Variants in RORB observed in about 807,000 individuals in gnomAD.
The protein encoded by RORB is nuclear receptor ROR-beta.
Under a neutral mutation model 59.1 loss-of-function variants are expected in RORB, and 6 were observed. The observed-to-expected ratio is 0.10, with a 90% CI of 0.06 to 0.20. The LOEUF is 0.20. Among genes scored for constraint, RORB ranks in the 10% least tolerant of loss-of-function variants. The pLI is 1.00. For synonymous variants in RORB, 215 were observed against 204.5 expected, an observed-to-expected ratio of 1.05 and a Z score of -0.44; for missense variants, 320 against 560.5, an observed-to-expected ratio of 0.57 and a Z score of 4.33.
intron 1 of RORB, among the ~76,000 whole-genome samples, chr9:74,587,656 G>A (rs1397411388): frequency 6.6e-6 from 1 of 152,166 alleles, no homozygotes; most frequent in Non-Finnish European, 1.5e-5. Flanking sequence ...AGGATGGTTG[G>A]TCAAGGGAAG....
chr9:74,645,517 G>C (rs1563962817), intron 4 of RORB, among the ~76,000 whole-genome samples: 1 of 152,052 alleles, frequency 6.6e-6, no homozygotes, highest in Non-Finnish European at 1.5e-5. Flanking sequence ...GTCTTTATCT[G>C]TGTGTGTGGA....
intron 4 of RORB, among the ~76,000 whole-genome samples, chr9:74,657,419 C>G (rs11144042): frequency 0.96 from 145,855 of 152,170 alleles, 70,238 homozygotes; most frequent in East Asian, 1. Flanking sequence ...GAGACTGGTC[C>G]TAAAGAAGTA....
chr9:74,573,245 G>A (rs1822579784), intron 1 of RORB, among the ~76,000 whole-genome samples: 1 of 152,062 alleles, frequency 6.6e-6, no homozygotes, highest in African/African-American at 2.4e-5. Context: ...ATTCACACAT[G>A]ATCTGTAGCT....
At chr9:74,656,474 G>A (rs566568034) in intron 4 of RORB, among the ~76,000 whole-genome samples, 2 of 152,264 alleles carry the variant, frequency 1.3e-5, no homozygotes, top group Admixed American at 6.5e-5. Flanking sequence ...GGTGGCTCAC[G>A]CCTGTAATCC....
rs2118588996 is a variant in RORB, at chr9:74,687,738, A to C, written c.*2120A>C. The stretch of plus-strand genomic sequence containing the variant: ...ATAAAGAATTAATTCCCAGAGTCAT[A>C]TTTCCTTCTAATGGAAAGATTACTC... On this transcript the variant is annotated 3_prime_UTR_variant, in exon 10 of 10. Transcript: ENST00000376896. The C allele has an allele frequency of 6.6e-6, 1 of 152,266 alleles. No homozygotes were observed. The highest frequency in any genetic ancestry group is 1.5e-5 in the Non-Finnish European group (1 of 68,004). 9.4% of individuals were successfully genotyped at this position (152,266 alleles called of 1,614,324 possible).
At chr9:74,526,456 C>A (rs1251540513) in intron 1 of RORB, among the ~76,000 whole-genome samples, 1 of 151,984 alleles carries the variant, frequency 6.6e-6, no homozygotes, top group African/African-American at 2.4e-5. Context: ...CACACTTTCT[C>A]CTTTCTCATC....
At chr9:74,599,872 A>G (rs1368168048) in intron 1 of RORB, among the ~76,000 whole-genome samples, 1 of 152,170 alleles carries the variant, frequency 6.6e-6, no homozygotes, top group African/African-American at 2.4e-5. Context: ...ACATTTCAGA[A>G]ATTCCAGTTA....
chr9:74,519,677 A>G (rs1826056508), intron 1 of RORB, among the ~76,000 whole-genome samples: 1 of 151,936 alleles, frequency 6.6e-6, no homozygotes, highest in Non-Finnish European at 1.5e-5. Flanking sequence ...AATCATCTTT[A>G]CAATTCCCGA....
intron 1 of RORB, among the ~76,000 whole-genome samples, chr9:74,566,744 C>G (rs562874346): frequency 2.6e-5 from 4 of 152,308 alleles, no homozygotes; most frequent in African/African-American, 9.6e-5. Flanking sequence ...TTGCAGTGAG[C>G]TGAGATGGTG....
intron 1 of RORB, among the ~76,000 whole-genome samples, chr9:74,595,406 A>G (rs898611910): frequency 6.6e-6 from 1 of 152,228 alleles, no homozygotes; most frequent in African/African-American, 2.4e-5. Context: ...GTTCAAGACT[A>G]AACAGTATAA....
At chr9:74,626,425 T>C (rs993722665) in intron 1 of RORB, among the ~76,000 whole-genome samples, 14 of 152,202 alleles carry the variant, frequency 9.2e-5, no homozygotes, top group African/African-American at 3.4e-4. Context: ...ATTTTAACTA[T>C]AGTCTCCACA....
chr9:74,517,624 T>A (rs970145542), intron 1 of RORB, among the ~76,000 whole-genome samples: 3 of 152,168 alleles, frequency 2.0e-5, no homozygotes, highest in East Asian at 3.9e-4. Context: ...TTTATTTTTT[T>A]AAAAAGGGTA....
chr9:74,558,954 T>A (rs1822352792), intron 1 of RORB, among the ~76,000 whole-genome samples: 1 of 152,170 alleles, frequency 6.6e-6, no homozygotes, highest in African/African-American at 2.4e-5. Context: ...AGCAGACACA[T>A]GTAAGTGGTC....
At chr9:74,592,964 T>G (rs909381804) in intron 1 of RORB, among the ~76,000 whole-genome samples, 2 of 152,122 alleles carry the variant, frequency 1.3e-5, no homozygotes, top group Non-Finnish European at 2.9e-5. Context: ...TAGGAAAGTC[T>G]TCCTTGTATC....
intron 1 of RORB, among the ~76,000 whole-genome samples, chr9:74,623,338 G>A (rs971852523): frequency 4.6e-5 from 7 of 152,108 alleles, no homozygotes; most frequent in Middle Eastern, 3.2e-3. Flanking sequence ...TGCAAAGGAA[G>A]CCTGGTACAC....
At chr9:74,642,946 C>G (rs1306465219) in intron 4 of RORB, 131 bp downstream of exon 4, 1 of 598,798 alleles carries the variant, frequency 1.7e-6, no homozygotes, top group Non-Finnish European at 2.7e-6. Flanking sequence ...ACTGAGAAAA[C>G]AAATTGATTT....
In RORB at chr9:74,671,500, A is replaced by G. The variant is rs77633080; in HGVS notation, c.1112-289A>G. Among the ~76,000 whole-genome samples, 18 of 152,326 alleles carry G rather than the reference A, an allele frequency of 1.2e-4. 1 individual carries two copies. The East Asian group carries it at 3.3e-3, about 28-fold the overall frequency. ...GAAAACCTAAGCATATGTCCAAAGC[A>G]AAGAGTGAGAGATGTAAATTGTCAC... On this transcript the variant is annotated intron_variant, in intron 8 of 9. Coordinates refer to ENST00000376896, the MANE Select transcript of RORB (RefSeq NM_006914.4).
intron 9 of RORB, among the ~76,000 whole-genome samples, chr9:74,680,524 A>C (rs1384609927): frequency 6.6e-6 from 1 of 152,182 alleles, no homozygotes; most frequent in Non-Finnish European, 1.5e-5. Context: ...AGCCATGCCC[A>C]GGGTAGAAAG....
chr9:74,649,955 G>A (rs1823965690), intron 4 of RORB, among the ~76,000 whole-genome samples: 1 of 152,042 alleles, frequency 6.6e-6, no homozygotes, highest in African/African-American at 2.4e-5. Context: ...TACTAGTTAG[G>A]TATTACATTT....
Sources: allele counts gnomAD v4.1 joint callset (sites outside exome capture counted in the v4.1 genomes callset), GRCh38; gene constraint gnomAD v4.1.1; transcripts MANE v1.5; gene names NCBI Gene and HGNC (gene_info 2026-07-23, HGNC 2026-07-21).